The following NDUFS1 variants were observed in gnomAD, a reference collection of about 807,000 sequenced individuals.
NDUFS1 encodes the protein NADH:ubiquinone oxidoreductase core subunit S1.
Under a neutral mutation model 84.4 loss-of-function variants are expected in NDUFS1, and 61 were observed. The observed-to-expected ratio is 0.72, with a 90% CI of 0.59 to 0.89. NDUFS1 has a LOEUF of 0.89. Ranked by LOEUF, NDUFS1 falls within the 40% of genes least tolerant of loss-of-function variation. The pLI is 0.00. For missense variants in NDUFS1, 891 were observed against 890.0 expected, an observed-to-expected ratio of 1.00 and a Z score of -0.01; for synonymous variants, 275 against 290.0, an observed-to-expected ratio of 0.95 and a Z score of 0.53.
intron 16 of NDUFS1, 180 bp downstream of exon 16, chr2:206,127,617 A>C: frequency 1.5e-6 from 1 of 651,188 alleles, no homozygotes; most frequent in South Asian, 1.9e-5. Flanking sequence ...GCAGCGGTGC[A>C]ATGAGAGCTC....
In NDUFS1 at chr2:206,137,428, C is replaced by G. The variant is rs147693018; in HGVS notation, c.1392+1057G>C. Among the ~76,000 whole-genome samples, 602 of 152,010 alleles carry G rather than the reference C, an allele frequency of 4.0e-3. 9 individuals carry two copies. The highest frequency in any genetic ancestry group is 0.014 in the African/African-American group (569 of 41,430). Reference sequence around the variant, plus strand: ...AGGTTGCAATGAGCCAAGATCGTGCCACTGCACTCCAGCCTGGGTGACAGA... The same window carrying G: ...AGGTTGCAATGAGCCAAGATCGTGCGACTGCACTCCAGCCTGGGTGACAGA... On this transcript the variant is annotated intron_variant, in intron 13 of 18. Transcript: ENST00000233190.
intron 13 of NDUFS1, among the ~76,000 whole-genome samples, chr2:206,137,583 AG>A (rs1005574841): frequency 6.6e-6 from 1 of 151,906 alleles, no homozygotes; most frequent in Non-Finnish European, 1.5e-5. Flanking sequence ...AAGCTCAGAA[AG>A]GGGGGAAAAA....
chr2:206,133,338 A>T (rs977506295), intron 13 of NDUFS1, among the ~76,000 whole-genome samples: 4 of 152,188 alleles, frequency 2.6e-5, no homozygotes, highest in African/African-American at 9.6e-5. Flanking sequence ...CACGTTTTCT[A>T]AAAGTAATTA....
rs11886004 is a variant in NDUFS1 at position 206,145,280 on chromosome 2, C to T, written c.738-254G>A. ...CCTAGAACTCCTGGGCTCAAACTATCCTCTCACCACATTTTAAAAATTTTT... is the reference window on the plus strand; with the variant it reads ...CCTAGAACTCCTGGGCTCAAACTATTCTCTCACCACATTTTAAAAATTTTT... On this transcript the variant is annotated intron_variant, in intron 8 of 18. Transcript: ENST00000233190. Among the ~76,000 whole-genome samples, 3,708 of 152,066 alleles carry T rather than the reference C, an allele frequency of 0.024. 153 individuals carry two copies. The highest frequency in any genetic ancestry group is 0.085 in the African/African-American group (3,521 of 41,456).
chr2:206,152,413 G>C lies in NDUFS1; in HGVS notation c.153+6C>G, dbSNP rs1051428500. On this transcript the variant is annotated splice_donor_region_variant and intron_variant, in intron 3 of 18. Coordinates refer to ENST00000233190, the MANE Select transcript of NDUFS1 (RefSeq NM_005006.7). ...CACACACAAAATAGTTAGAATGTAT[G>C]CCTACTTGGAGGACGGTCGTTCCCG... The C allele has an allele frequency of 4.3e-6, 7 of 1,610,284 alleles. No individual in the cohort carries two copies. In the Admixed American group the frequency reaches 1.2e-4, roughly 27 times the overall value.
At chr2:206,140,941 T>TACACACACACACACAC (rs757622422) in intron 12 of NDUFS1, among the ~76,000 whole-genome samples, 275 of 67,038 alleles carry the variant, frequency 4.1e-3, no homozygotes, top group African/African-American at 0.012. Context: ...TATATATATA[T>TACACACACACACACAC]ATACACACAC....
intron 13 of NDUFS1, among the ~76,000 whole-genome samples, chr2:206,134,487 A>T (rs1405146734): frequency 1.3e-5 from 2 of 152,004 alleles, no homozygotes; most frequent in Non-Finnish European, 2.9e-5. Context: ...TTGGCCAGGC[A>T]TGGTGGTGTG....
intron 15 of NDUFS1, among the ~76,000 whole-genome samples, chr2:206,128,224 G>T (rs1051907020): frequency 2.0e-5 from 3 of 151,964 alleles, no homozygotes; most frequent in African/African-American, 7.2e-5. Flanking sequence ...GGAGTGCAGT[G>T]GTGCAATCTT....
intron 1 of NDUFS1, among the ~76,000 whole-genome samples, chr2:206,156,171 G>A (rs1003716151): frequency 2.0e-5 from 3 of 150,724 alleles, no homozygotes; most frequent in South Asian, 2.1e-4. Context: ...GCTGAGGCAG[G>A]AGAATGGCGT....
intron 1 of NDUFS1, among the ~76,000 whole-genome samples, 194 bp from the exon 2 acceptor site, chr2:206,153,876 AAGC>A (rs976492609): frequency 6.6e-6 from 1 of 152,208 alleles, no homozygotes; most frequent in Non-Finnish European, 1.5e-5. Context: ...TCAAAGAGCT[AAGC>A]AGCAGCAGCT....
At chr2:206,139,871 T>TAAAAA (rs35564839) in intron 12 of NDUFS1, among the ~76,000 whole-genome samples, 3 of 103,582 alleles carry the variant, frequency 2.9e-5, no homozygotes, top group African/African-American at 3.7e-5. Flanking sequence ...CTTGTGTTCT[T>TAAAAA]AAAAAAAAAA....
chr2:206,122,634 A>AAAAAAAAAAAAAAAAAAC lies in NDUFS1; in HGVS notation c.*1550_*1551insGTTTTTTTTTTTTTTTTT, dbSNP rs1691133918. 1.3e-5 allele frequency: 2 copies of AAAAAAAAAAAAAAAAAAC among 151,460 alleles called. No individual in the cohort carries two copies. Among genetic ancestry groups the AAAAAAAAAAAAAAAAAAC allele is most frequent in the African/African-American group, 4.9e-5 (2 of 41,102 alleles). The allele number at this position is 151,460 out of a possible 1,614,324, so 9.4% of individuals were successfully genotyped here. The stretch of plus-strand genomic sequence containing the variant: ...GACAGAGTAAGACTCCATCTCAAAA[A>AAAAAAAAAAAAAAAAAAC]AAAAAAAAAAACAAAGGGAAAAAGG... On this transcript the variant is annotated 3_prime_UTR_variant, in exon 19 of 19. Transcript: ENST00000233190.
chr2:206,148,877 CACTT>C, intron 5 of NDUFS1, 139 bp downstream of exon 5: 1 of 667,694 alleles, frequency 1.5e-6, no homozygotes, highest in East Asian at 2.7e-5. Flanking sequence ...ATGTAGTACT[CACTT>C]CTATTGCTCC....
intron 1 of NDUFS1, among the ~76,000 whole-genome samples, chr2:206,153,982 C>T (rs1687520877): frequency 6.6e-6 from 1 of 152,312 alleles, no homozygotes; most frequent in Non-Finnish European, 1.5e-5. Flanking sequence ...TAAAGCACTA[C>T]CACACAGTAA....
intron 3 of NDUFS1, among the ~76,000 whole-genome samples, chr2:206,151,154 C>T (rs1174482692): frequency 6.6e-6 from 1 of 152,180 alleles, no homozygotes; most frequent in Non-Finnish European, 1.5e-5. Flanking sequence ...TCATCCTCTA[C>T]AGTCGCTGTC....
In NDUFS1 at chr2:206,116,347, G is replaced by A; in HGVS notation, c.*7838C>T. On this transcript the variant is annotated 3_prime_UTR_variant, in exon 19 of 19. Transcript: ENST00000233190. ...CCAAAGCACCAAACTCATCTTGTTT[G>A]TTCAATTTTGTCCCAACTTCAGGCA... The A allele has an allele frequency of 3.5e-6, 3 of 867,988 alleles. No homozygotes were observed. Among genetic ancestry groups the A allele is most frequent in the Non-Finnish European group, 6.0e-6 (3 of 501,702 alleles). The allele number at this position is 867,988 out of a possible 1,614,324, so 53.8% of individuals were successfully genotyped here.
At chr2:206,148,746 G>T (rs560785115) in intron 5 of NDUFS1, among the ~76,000 whole-genome samples, 116 of 152,258 alleles carry the variant, frequency 7.6e-4, no homozygotes, top group African/African-American at 2.7e-3. Flanking sequence ...GTATAGTATA[G>T]TAGTAGCTTA....
chr2:206,159,035 T>C, intron 1 of NDUFS1: 2 of 1,520,294 alleles, frequency 1.3e-6, no homozygotes, highest in Non-Finnish European at 1.8e-6. Context: ...AACGGCCTCC[T>C]CCTCTGAGAG....
chr2:206,130,139 C>A lies in NDUFS1; in HGVS notation c.1657G>T (p.Gly553Cys). The A allele has an allele frequency of 6.2e-7, 1 of 1,614,146 alleles. No individual in the cohort carries two copies. The highest frequency in any genetic ancestry group is 8.5e-7 in the Non-Finnish European group (1 of 1,180,018). ...KVLFLLGADG[G>C]CITRQDLPKD... ...GGCAAATCCTGTCGTGTGATACAAC[C>A]TCCATCTGCTCCCAGGAGAAACAGC... The change falls in exon 15 of 19, where the codon GGT (glycine) becomes TGT (cysteine). Residue 553 changes from glycine (G) to cysteine (C), a missense_variant. Transcript: ENST00000233190.
Sources: gnomAD v4.1 joint callset for allele counts (sites outside exome capture counted in the v4.1 genomes callset) on GRCh38, gnomAD v4.1.1 for gene constraint, MANE v1.5 for transcripts, NCBI Gene and HGNC (gene_info 2026-07-23, HGNC 2026-07-21) for gene names.